CA8: variants seen among roughly 807,000 people sequenced by gnomAD.
CA8 encodes the protein carbonic anhydrase 8 (inactive), also known as carbonic anhydrase-related protein.
A neutral mutation model predicts 41.4 loss-of-function variants in CA8; 22 were observed. That is an observed-to-expected ratio of 0.53 (90% CI 0.38 to 0.76). CA8 has a LOEUF of 0.76. Ranked by LOEUF, CA8 falls within the 30% of genes least tolerant of loss-of-function variation. The pLI, the probability that CA8 is intolerant of heterozygous loss-of-function variation, is 0.00. For missense variants in CA8, 270 were observed against 352.8 expected (o/e 0.77, Z 1.88); for synonymous variants, 121 against 130.6 (o/e 0.93, Z 0.50).
At chr8:60,206,186 G>A (rs576544210) in intron 8 of CA8, among the ~76,000 whole-genome samples, 2 of 152,240 alleles carry the variant, frequency 1.3e-5, no homozygotes, top group South Asian at 4.1e-4. Flanking sequence ...AGTAATCTCA[G>A]CCACCAAAGT....
At chr8:60,203,831 T>A in intron 8 of CA8, among the ~76,000 whole-genome samples, 1 of 152,160 alleles carries the variant, frequency 6.6e-6, no homozygotes, top group African/African-American at 2.4e-5. Context: ...ATAAAAAAAA[T>A]TCACTTCATT....
At chr8:60,208,947 T>C in intron 7 of CA8, 28 bp from the exon 8 acceptor site, 1 of 1,611,158 alleles carries the variant, frequency 6.2e-7, no homozygotes, top group Non-Finnish European at 8.5e-7. Flanking sequence ...AGAAAATAGA[T>C]TAATCAATTA....
intron 7 of CA8, among the ~76,000 whole-genome samples, chr8:60,214,353 A>C (rs1313616308): frequency 6.6e-6 from 1 of 152,168 alleles, no homozygotes; most frequent in Non-Finnish European, 1.5e-5. Context: ...CTCATGGCCT[A>C]AACACCTCTT....
intron 2 of CA8, among the ~76,000 whole-genome samples, chr8:60,278,376 G>A (rs1242665926): frequency 6.6e-6 from 1 of 152,078 alleles, no homozygotes; most frequent in Non-Finnish European, 1.5e-5. Context: ...ATTGATCATG[G>A]CACCTGACAT....
chr8:60,215,864 A>C (rs1807001461), intron 7 of CA8, among the ~76,000 whole-genome samples: 1 of 152,214 alleles, frequency 6.6e-6, no homozygotes, highest in South Asian at 2.1e-4. Context: ...ATTATGATTT[A>C]GAACTTCAAT....
At chr8:60,227,660 T>C (rs980036791) in intron 4 of CA8, among the ~76,000 whole-genome samples, 3 of 152,198 alleles carry the variant, frequency 2.0e-5, no homozygotes, top group African/African-American at 7.2e-5. Flanking sequence ...TGAAAAATTA[T>C]ATTAACTTAG....
chr8:60,216,188 C>G (rs142037958), intron 7 of CA8, among the ~76,000 whole-genome samples: 1 of 152,314 alleles, frequency 6.6e-6, no homozygotes, highest in East Asian at 1.9e-4. Context: ...ATTCCTCTCA[C>G]TTTTGCTGCC....
At chr8:60,203,651 C>A (rs1050066748) in intron 8 of CA8, among the ~76,000 whole-genome samples, 2 of 152,088 alleles carry the variant, frequency 1.3e-5, no homozygotes, top group Admixed American at 1.3e-4. Flanking sequence ...AATATTAAAA[C>A]AAATTTATTC....
chr8:60,234,010 A>G (rs1231423789), intron 3 of CA8, among the ~76,000 whole-genome samples: 1 of 152,208 alleles, frequency 6.6e-6, no homozygotes, highest in African/African-American at 2.4e-5. Flanking sequence ...GGATAAAAAT[A>G]GTGACTTTAC....
chr8:60,215,358 T>TAC (rs144232916), intron 7 of CA8, among the ~76,000 whole-genome samples: 14,058 of 144,050 alleles, frequency 0.098, 719 homozygotes, highest in Middle Eastern at 0.12. Context: ...TGTGTGTGTA[T>TAC]ACACACACAC....
At chr8:60,206,427 T>G (rs1806583015) in intron 8 of CA8, among the ~76,000 whole-genome samples, 2 of 152,156 alleles carry the variant, frequency 1.3e-5, no homozygotes, top group African/African-American at 4.8e-5. Context: ...AACTCTGGTC[T>G]AGGACAAGAT....
At chr8:60,239,398 G>A (rs1307166018) in intron 3 of CA8, among the ~76,000 whole-genome samples, 2 of 152,196 alleles carry the variant, frequency 1.3e-5, no homozygotes, top group Admixed American at 6.5e-5. Context: ...GAGCAGGGGT[G>A]TTCAATCTTT....
chr8:60,280,792 T>C (rs1804390019), intron 1 of CA8, among the ~76,000 whole-genome samples: 1 of 152,210 alleles, frequency 6.6e-6, no homozygotes, highest in African/African-American at 2.4e-5. Flanking sequence ...CCGCAGCAGG[T>C]GCGAACGCCA....
intron 4 of CA8, among the ~76,000 whole-genome samples, chr8:60,228,646 T>A (rs1807529207): frequency 1.3e-5 from 2 of 152,200 alleles, no homozygotes; most frequent in African/African-American, 4.8e-5. Flanking sequence ...AGCTGTTTGC[T>A]GGAGAGGATA....
At chr8:60,243,095 CA>C (rs1179667035) in intron 3 of CA8, among the ~76,000 whole-genome samples, 1 of 152,194 alleles carries the variant, frequency 6.6e-6, no homozygotes, top group Non-Finnish European at 1.5e-5. Context: ...TTAAACTCTA[CA>C]ATTTACGAAA....
chr8:60,253,060 T>C (rs1350142812), intron 3 of CA8, among the ~76,000 whole-genome samples: 1 of 150,562 alleles, frequency 6.6e-6, no homozygotes, highest in Non-Finnish European at 1.5e-5. Context: ...AAAAACCCCG[T>C]CTCTACACCA....
At chr8:60,278,253 AC>A (rs1157422200) in intron 2 of CA8, among the ~76,000 whole-genome samples, 1 of 152,244 alleles carries the variant, frequency 6.6e-6, no homozygotes, top group Non-Finnish European at 1.5e-5. Flanking sequence ...CTCTGCTCCC[AC>A]AACCCTTTGT....
chr8:60,272,765 T>C (rs1328241378), intron 2 of CA8, among the ~76,000 whole-genome samples: 4 of 152,232 alleles, frequency 2.6e-5, no homozygotes, highest in African/African-American at 7.2e-5. Flanking sequence ...GAGGGCAGGC[T>C]TTGGATCTGA....
intron 7 of CA8, among the ~76,000 whole-genome samples, chr8:60,213,252 C>T (rs1047165440): frequency 3.3e-5 from 5 of 152,206 alleles, no homozygotes; most frequent in South Asian, 2.1e-4. Context: ...GTAACACCGA[C>T]GTCAACGGTC....
Sources: gnomAD v4.1 joint callset for allele counts (sites outside exome capture counted in the v4.1 genomes callset) on GRCh38, gnomAD v4.1.1 for gene constraint, MANE v1.5 for transcripts, NCBI Gene and HGNC (gene_info 2026-07-23, HGNC 2026-07-21) for gene names.